The following SBF2 variants were observed in gnomAD, a reference collection of about 807,000 sequenced individuals.
SBF2 encodes SET binding factor 2.
SBF2 carries 112 observed loss-of-function variants against 225.2 expected under a neutral mutation model. That is an observed-to-expected ratio of 0.50 (90% CI 0.43 to 0.58). The LOEUF is 0.58. SBF2 is among the 20% of genes least tolerant of loss of function. The pLI is 0.00. For synonymous variants in SBF2, 763 were observed against 773.3 expected (o/e 0.99, Z 0.22); for missense variants, 1,996 against 2,206.2 (o/e 0.90, Z 1.91).
At chr11:9,919,843 T>C (rs1455042998) in intron 16 of SBF2, among the ~76,000 whole-genome samples, 1 of 152,114 alleles carries the variant, frequency 6.6e-6, no homozygotes, top group Non-Finnish European at 1.5e-5. Context: ...GTAATTCTCC[T>C]GCCTCAGCCT....
At chr11:9,785,687 C>T (rs1356694927) in intron 36 of SBF2, among the ~76,000 whole-genome samples, 1 of 152,078 alleles carries the variant, frequency 6.6e-6, no homozygotes, top group African/African-American at 2.4e-5. Flanking sequence ...CATGGCGAAG[C>T]CCCATTTCTA....
At chr11:9,933,145 C>T (rs1013257681) in intron 16 of SBF2, among the ~76,000 whole-genome samples, 1 of 151,914 alleles carries the variant, frequency 6.6e-6, no homozygotes, top group Non-Finnish European at 1.5e-5. Flanking sequence ...ACAGGAGCAC[C>T]CAGATTCATA....
At chr11:9,967,293 G>A (rs1414694621) in intron 14 of SBF2, among the ~76,000 whole-genome samples, 2 of 151,534 alleles carry the variant, frequency 1.3e-5, no homozygotes, top group Non-Finnish European at 2.9e-5. Context: ...AACGGTGTGA[G>A]CCCGGGAGGC....
intron 1 of SBF2, among the ~76,000 whole-genome samples, chr11:10,231,272 C>T (rs1464837163): frequency 6.6e-6 from 1 of 152,184 alleles, no homozygotes; most frequent in Admixed American, 6.5e-5. Flanking sequence ...TCCTCTACCT[C>T]GGAGCAGTTT....
At chr11:9,968,113 A>T (rs1001804685) in intron 14 of SBF2, among the ~76,000 whole-genome samples, 2 of 151,928 alleles carry the variant, frequency 1.3e-5, no homozygotes, top group African/African-American at 4.8e-5. Context: ...ATATCTCAAT[A>T]AAGCTGTTAT....
chr11:10,068,966 C>T (rs1950740910), intron 2 of SBF2, among the ~76,000 whole-genome samples: 1 of 152,176 alleles, frequency 6.6e-6, no homozygotes, highest in African/African-American at 2.4e-5. Context: ...GTGGGGCACT[C>T]TACCCCTCAC....
At chr11:10,128,646 T>C (rs1162597174) in intron 2 of SBF2, among the ~76,000 whole-genome samples, 2 of 152,192 alleles carry the variant, frequency 1.3e-5, no homozygotes, top group African/African-American at 4.8e-5. Context: ...TGGCAATAGA[T>C]GAAACTACAG....
chr11:10,295,119 T>C (rs1309927076), upstream of SBF2, among the ~76,000 whole-genome samples: 1 of 152,246 alleles, frequency 6.6e-6, no homozygotes, highest in Non-Finnish European at 1.5e-5. Context: ...TAGTAGAATT[T>C]GTACAAGTGG....
intron 39 of SBF2, chr11:9,780,923 CCTTT>C (rs1312818638): frequency 1.3e-5 from 4 of 302,970 alleles, no homozygotes; most frequent in Non-Finnish European, 2.6e-5. Context: ...CTTCGTGTCC[CCTTT>C]CTTTAGTTGG....
At chr11:9,869,318 T>A (rs965682884) in intron 17 of SBF2, among the ~76,000 whole-genome samples, 4 of 151,826 alleles carry the variant, frequency 2.6e-5, no homozygotes, top group Admixed American at 6.6e-5. Flanking sequence ...TCCCTGAAAA[T>A]TTTTTTTTCT....
At chr11:9,906,821 T>C (rs550047932) in intron 16 of SBF2, among the ~76,000 whole-genome samples, 5 of 152,300 alleles carry the variant, frequency 3.3e-5, no homozygotes, top group Admixed American at 6.5e-5. Flanking sequence ...ATTCTGAACT[T>C]TGCTTTGTAA....
chr11:9,902,629 A>T (rs1375619271), intron 16 of SBF2, among the ~76,000 whole-genome samples: 4 of 152,212 alleles, frequency 2.6e-5, no homozygotes, highest in Non-Finnish European at 5.9e-5. Flanking sequence ...GGGATCTCTA[A>T]AGCCATCTAT....
In SBF2 at chr11:9,789,267, G is replaced by T; in HGVS notation, c.4774C>A (p.Pro1592Thr). 1 of 1,614,120 alleles carries T rather than the reference G, an allele frequency of 6.2e-7. No individual in the cohort carries two copies. The highest frequency in any genetic ancestry group is 8.5e-7 in the Non-Finnish European group (1 of 1,180,024). ...YYIEETLSTG[P>T]SYDWMMLTPK... Reference sequence around the variant, plus strand: ...GTTAGCATCATCCAGTCATAGGAAGGGCCTGTGGACAGGGTCTCTTCTATG... The same window carrying T: ...GTTAGCATCATCCAGTCATAGGAAGTGCCTGTGGACAGGGTCTCTTCTATG... The change falls in exon 35 of 40, where the codon CCT (proline) becomes ACT (threonine). Residue 1592 changes from proline (P) to threonine (T), a missense_variant. Physicochemically the swap from Pro to Thr is conservative, Grantham distance 38 (BLOSUM62 -1). Transcript: ENST00000256190.
intron 2 of SBF2, among the ~76,000 whole-genome samples, chr11:10,104,207 CTCT>C (rs1348666221): frequency 6.6e-6 from 1 of 152,098 alleles, no homozygotes; most frequent in Non-Finnish European, 1.5e-5. Flanking sequence ...TGTATGGTAT[CTCT>C]TCTTAAATTT....
At chr11:10,126,150 G>C (rs1953741217) in intron 2 of SBF2, among the ~76,000 whole-genome samples, 1 of 151,992 alleles carries the variant, frequency 6.6e-6, no homozygotes. Flanking sequence ...AAATGTAATT[G>C]TCTCATCTAG....
In SBF2 at chr11:10,001,686, G is replaced by A. The variant is rs7115631; in HGVS notation, c.753-664C>T. On this transcript the variant is annotated intron_variant, in intron 7 of 39. Transcript: ENST00000256190. ...ACTACAGGCGCCTGCCACCATGCCCGGCTAGCTTTTTCTATTTTTTTAGTA... is the reference window on the plus strand; with the variant it reads ...ACTACAGGCGCCTGCCACCATGCCCAGCTAGCTTTTTCTATTTTTTTAGTA... Among the ~76,000 whole-genome samples, 910 of 151,992 alleles carry A rather than the reference G, an allele frequency of 6.0e-3. 11 individuals carry two copies. Among genetic ancestry groups the A allele is most frequent in the African/African-American group, 0.02 (844 of 41,460 alleles).
At chr11:9,851,589 T>C (rs1214677202) in intron 21 of SBF2, among the ~76,000 whole-genome samples, 1 of 152,192 alleles carries the variant, frequency 6.6e-6, no homozygotes, top group Non-Finnish European at 1.5e-5. Context: ...AGGTCTAATA[T>C]GTTTATTTTT....
intron 39 of SBF2, among the ~76,000 whole-genome samples, chr11:9,781,123 T>G (rs914646170): frequency 6.6e-6 from 1 of 152,252 alleles, no homozygotes; most frequent in Non-Finnish European, 1.5e-5. Context: ...GCGTAGACAC[T>G]TATCATGTGT....
chr11:10,002,070 T>C (rs760584883), intron 7 of SBF2, among the ~76,000 whole-genome samples: 3 of 152,162 alleles, frequency 2.0e-5, no homozygotes, highest in South Asian at 2.1e-4. Context: ...CCTGCAGTAA[T>C]TGTCAACTTT....
Sources: gnomAD v4.1 joint callset for allele counts (sites outside exome capture counted in the v4.1 genomes callset) on GRCh38, gnomAD v4.1.1 for gene constraint, MANE v1.5 for transcripts, NCBI Gene and HGNC (gene_info 2026-07-23, HGNC 2026-07-21) for gene names.